CARD10: variants seen among roughly 807,000 people sequenced by gnomAD.
CARD10 encodes caspase recruitment domain family member 10.
Under a neutral mutation model 114.6 loss-of-function variants are expected in CARD10, and 49 were observed. That is an observed-to-expected ratio of 0.43 (90% CI 0.34 to 0.54). The LOEUF is 0.54. CARD10 is among the 20% of genes least tolerant of loss of function. The pLI is 0.03. For synonymous variants in CARD10, 602 were observed against 593.2 expected, an observed-to-expected ratio of 1.01 and a Z score of -0.21; for missense variants, 1,206 against 1,397.2, an observed-to-expected ratio of 0.86 and a Z score of 2.18.
rs746331330 is a variant in CARD10 at position 37,504,243 on chromosome 22, G to C, written c.1577C>G (p.Pro526Arg). ...CCGGCGGAGGATGGAGCCGGCACTG[G>C]GGGGGAAGGGCAGGATGGAGAGCCG... ...INRLSILPFP[P>R]SAGSILRRQR... The change falls in exon 9 of 20, where the codon CCC (proline) becomes CGC (arginine). Residue 526 changes from proline to arginine, a missense_variant. This residue lies in a region of CARD10 where 1,068 missense variants were observed against 1,179.1 expected (regional missense o/e 0.91). Coordinates refer to ENST00000251973, the MANE Select transcript of CARD10 (RefSeq NM_014550.4). 2.5e-6 allele frequency: 4 copies of C among 1,580,720 alleles called. No individual in the cohort carries two copies. Among genetic ancestry groups the C allele is most frequent in the Admixed American group, 1.8e-5 (1 of 55,374 alleles).
intron 16 of CARD10, among the ~76,000 whole-genome samples, chr22:37,493,668 G>C (rs949532274): frequency 6.6e-6 from 1 of 152,026 alleles, no homozygotes; most frequent in African/African-American, 2.4e-5. Context: ...TCTTGCCCCA[G>C]ATTTGCTACT....
Position 37,492,332 on chromosome 22 carries a change from G to T in CARD10, c.2751+103C>A, listed in dbSNP as rs1410666052. On this transcript the variant is annotated intron_variant, in intron 18 of 19. Coordinates refer to ENST00000251973, the MANE Select transcript of CARD10 (RefSeq NM_014550.4). This position sits in a 1 kb window ranked among gnomAD's most constrained non-coding sequence, Gnocchi z 5.7. ...GCCAGGGCCGCCCTGCCAGTGAGCA[G>T]CAGAGCATGGCCCGCGCTCAGACGC... 3 of 864,648 alleles carry T rather than the reference G, an allele frequency of 3.5e-6. No homozygotes were observed. The highest frequency in any genetic ancestry group is 2.6e-5 in the East Asian group (1 of 38,552). The allele number at this position is 864,648 out of a possible 1,614,324, so 53.6% of individuals were successfully genotyped here.
Position 37,503,932 on chromosome 22 carries a change from C to G in CARD10, c.1634+254G>C, listed in dbSNP as rs1923311417. ...TGGGTATAGGATCTTCAAGGCTTGACCCCCAGTGACCCTCCTGCCAGGATG... is the reference window on the plus strand; with the variant it reads ...TGGGTATAGGATCTTCAAGGCTTGAGCCCCAGTGACCCTCCTGCCAGGATG... On this transcript the variant is annotated intron_variant, in intron 9 of 19. Transcript: ENST00000251973. The G allele has an allele frequency of 2.7e-5, 18 of 658,284 alleles. 1 individual carries two copies. In the South Asian group the frequency reaches 2.8e-4, roughly 10 times the overall value. 40.8% of individuals were successfully genotyped at this position (658,284 alleles called of 1,614,324 possible). A position where few individuals can be genotyped will look rare whatever the true frequency, so the allele number is the denominator to read the frequency against.
At position 37,495,903 on chromosome 22, in the gene CARD10, A is replaced by T; in HGVS notation, c.2160T>A (p.Asp720Glu). ...RANLTLPERA[D>E]PHALCVKAQE... The stretch of plus-strand genomic sequence containing the variant: ...GGGCTTTCACGCAAAGGGCATGGGG[A>T]TCTGCCCTCTCAGGCAAGGTGAGGT... Residue 720 changes from aspartate to glutamate, a missense_variant, in exon 14 of 20, where the codon GAT (aspartate) becomes GAA (glutamate). Physicochemically the swap from Asp to Glu is conservative, Grantham distance 45. Transcript: ENST00000251973. 1 of 1,614,130 alleles carries T rather than the reference A, an allele frequency of 6.2e-7. No homozygotes were observed. Among genetic ancestry groups the T allele is most frequent in the Non-Finnish European group, 8.5e-7 (1 of 1,180,038 alleles).
At chr22:37,515,478 G>T (rs1569168130) in intron 3 of CARD10, among the ~76,000 whole-genome samples, 2 of 150,454 alleles carry the variant, frequency 1.3e-5, no homozygotes, top group Admixed American at 6.7e-5. Flanking sequence ...CAGGAGAATC[G>T]CTGGAACCCG....
intron 9 of CARD10, among the ~76,000 whole-genome samples, chr22:37,503,420 C>T (rs1018586285): frequency 1.3e-5 from 2 of 152,196 alleles, no homozygotes; most frequent in Non-Finnish European, 2.9e-5. Flanking sequence ...GTCCTGGCCT[C>T]TGTCCAATGT....
intron 3 of CARD10, among the ~76,000 whole-genome samples, chr22:37,515,657 T>C (rs1223710777): frequency 6.6e-6 from 1 of 151,962 alleles, no homozygotes; most frequent in Non-Finnish European, 1.5e-5. Context: ...GGTAATTCTT[T>C]GCTGGGGACT....
In CARD10 at chr22:37,518,005, G is replaced by A; in HGVS notation, c.339C>T (p.Gly113=). The A allele has an allele frequency of 6.2e-7, 1 of 1,614,026 alleles. No homozygotes were observed. The highest frequency in any genetic ancestry group is 1.3e-5 in the African/African-American group (1 of 75,044). ...YYPEHFTLLT[G]QEPAQRCSMI... ...TGGAGCAGCGCTGGGCGGGTTCCTG[G>A]CCCGTGAGCAGCGTGAAGTGTTCGG... The change falls in exon 2 of 20, where the codon GGC becomes GGT. Residue 113 remains glycine (G), a synonymous_variant. Coordinates refer to ENST00000251973, the MANE Select transcript of CARD10 (RefSeq NM_014550.4).
intron 9 of CARD10, among the ~76,000 whole-genome samples, chr22:37,503,568 G>A (rs1020833662): frequency 2.0e-5 from 3 of 151,992 alleles, no homozygotes; most frequent in East Asian, 1.9e-4. Context: ...TCCCAGGTAC[G>A]CCTCCTAAAT....
chr22:37,512,936 A>T (rs1239442360), intron 3 of CARD10, among the ~76,000 whole-genome samples: 1 of 152,188 alleles, frequency 6.6e-6, no homozygotes, highest in African/African-American at 2.4e-5. Flanking sequence ...ATTAAATCCC[A>T]GCCGCCACAC....
rs1402533985 is a variant in CARD10 at position 37,519,194 on chromosome 22, C to T, written c.7G>A (p.Gly3Ser). Reference sequence around the variant, plus strand: ...TCGGCCTCCCCCGCCTCCGCCCGGCCCGGCATGGCCGTGTCCTCAGGGTCT... The same window carrying T: ...TCGGCCTCCCCCGCCTCCGCCCGGCTCGGCATGGCCGTGTCCTCAGGGTCT... The part of the protein sequence containing the change: MP[G>S]RAEAGEAEEE... The change falls in exon 1 of 20, where the codon GGC becomes AGC. Residue 3 changes from glycine to serine, a missense_variant. Physicochemically the swap from Gly to Ser is moderately conservative, Grantham distance 56. This residue lies in a region of CARD10 where 138 missense variants were observed against 218.0 expected (regional missense o/e 0.63). Transcript: ENST00000251973. The surrounding 1 kb of genome is among the most constrained non-coding windows in gnomAD (Gnocchi z 4.1). 1 of 1,527,266 alleles carries T rather than the reference C, an allele frequency of 6.5e-7. No homozygotes were observed. 94.6% of individuals were successfully genotyped at this position (1,527,266 alleles called of 1,614,324 possible).
intron 9 of CARD10, among the ~76,000 whole-genome samples, chr22:37,503,785 G>T (rs957224536): frequency 2.0e-5 from 3 of 152,292 alleles, no homozygotes; most frequent in Admixed American, 1.3e-4. Context: ...GGTGCGCCTT[G>T]GTTTTTCTGG....
intron 11 of CARD10, among the ~76,000 whole-genome samples, 161 bp downstream of exon 11, chr22:37,502,441 A>G (rs1350419033): frequency 6.6e-6 from 1 of 152,230 alleles, no homozygotes; most frequent in Non-Finnish European, 1.5e-5. Flanking sequence ...GACGATCAAG[A>G]GCGGCAGCAG....
chr22:37,491,569 GGAGGGAGGGGGGAGGGAGAGAGAGGGGGA>G (rs1416568281), intron 19 of CARD10, among the ~76,000 whole-genome samples, 157 bp downstream of exon 19: 1 of 8,926 alleles, frequency 1.1e-4, no homozygotes, highest in Non-Finnish European at 2.4e-4. Flanking sequence ...GAGAGACGGG[GGAGGGAGGGGGGAGGGAGAGAGAGGGGGA>G]GAAGGAGGGG....
chr22:37,497,994 C>T (rs1395392642), intron 11 of CARD10, among the ~76,000 whole-genome samples: 1 of 152,106 alleles, frequency 6.6e-6, no homozygotes, highest in East Asian at 1.9e-4. Context: ...CTAGGCTACA[C>T]GCTGGTGAAG....
At chr22:37,502,466 G>A in intron 11 of CARD10, 136 bp downstream of exon 11, 1 of 1,002,888 alleles carries the variant, frequency 1.0e-6, no homozygotes, top group Non-Finnish European at 1.4e-6. Flanking sequence ...GGAATCCAAG[G>A]GCTGCCAGTG....
chr22:37,519,278 G>A lies in CARD10; in HGVS notation c.-78C>T. 1 of 1,386,112 alleles carries A rather than the reference G, an allele frequency of 7.2e-7. No homozygotes were observed. The highest frequency in any genetic ancestry group is 9.3e-7 in the Non-Finnish European group (1 of 1,073,296). The allele number at this position is 1,386,112 out of a possible 1,614,324, so 85.9% of individuals were successfully genotyped here. ...TCCCTAGGGCTAGATGTGCGGCCAA[G>A]CACCCCCGGGGCGTCGTCCGCAGAC... On this transcript the variant is annotated 5_prime_UTR_variant, in exon 1 of 20. Transcript: ENST00000251973. This position sits in a 1 kb window ranked among gnomAD's most constrained non-coding sequence, Gnocchi z 4.1.
Position 37,495,754 on chromosome 22 carries a change from C to A in CARD10, c.2303+6G>T, listed in dbSNP as rs768198063. The A allele has an allele frequency of 1.2e-6, 2 of 1,613,740 alleles. No individual in the cohort carries two copies. Among genetic ancestry groups the A allele is most frequent in the Non-Finnish European group, 1.7e-6 (2 of 1,179,950 alleles). On this transcript the variant is annotated splice_donor_region_variant and intron_variant, in intron 14 of 19. Coordinates refer to ENST00000251973, the MANE Select transcript of CARD10 (RefSeq NM_014550.4). The stretch of plus-strand genomic sequence containing the variant: ...ACCCCATCCCCAGCTCCTGGCTCTG[C>A]GTCACCTCTGATAATTGGGCACGGT...
At chr22:37,493,126 C>T (rs1410139306) in intron 16 of CARD10, among the ~76,000 whole-genome samples, 1 of 152,180 alleles carries the variant, frequency 6.6e-6, no homozygotes, top group African/African-American at 2.4e-5. Context: ...GCCACATCCC[C>T]CACGTGGGTG....
Sources: gnomAD v4.1 joint callset for allele counts (sites outside exome capture counted in the v4.1 genomes callset) on GRCh38, gnomAD v4.1.1 for gene constraint, gnomAD v4.1.1 regional missense constraint, Gnocchi (gnomAD v3.1) non-coding constraint, MANE v1.5 for transcripts, NCBI Gene and HGNC (gene_info 2026-07-23, HGNC 2026-07-21) for gene names.